The following MMS22L variants were observed in gnomAD, a reference collection of about 807,000 sequenced individuals.
MMS22L encodes MMS22 like, DNA repair protein.
Under a neutral mutation model 159.1 loss-of-function variants are expected in MMS22L, and 74 were observed. The observed-to-expected ratio is 0.47, with a 90% CI of 0.39 to 0.56. The LOEUF is 0.56. Among genes scored for constraint, MMS22L ranks in the 20% least tolerant of loss-of-function variants. MMS22L has a pLI of 0.00. For synonymous variants in MMS22L, 517 were observed against 506.9 expected (o/e 1.02, Z -0.27); for missense variants, 1,351 against 1,422.1 (o/e 0.95, Z 0.80).
At position 97,146,735 on chromosome 6, in the gene MMS22L, G is replaced by C; in HGVS notation, c.*71C>G. 5 of 988,272 alleles carry C rather than the reference G, an allele frequency of 5.1e-6. No individual in the cohort carries two copies. The highest frequency in any genetic ancestry group is 7.6e-6 in the Non-Finnish European group (5 of 661,560). 61.2% of individuals were successfully genotyped at this position (988,272 alleles called of 1,614,324 possible). ...CAGAACATTATACAATTAATTAAAA[G>C]TAGGAATTAGAGTGGAACAATGTGG... On this transcript the variant is annotated 3_prime_UTR_variant, in exon 25 of 25. Coordinates refer to ENST00000683635, the MANE Select transcript of MMS22L (RefSeq NM_001350599.2).
Position 97,197,681 on chromosome 6 carries a change from T to C in MMS22L, c.2040-10991A>G, listed in dbSNP as rs936844479. ...CAAAATGTTATGTATTGAATTCTCA[T>C]AGAAGAAAAAAGAATGAGCTCAGGC... is the stretch of plus-strand genomic sequence containing the variant. On this transcript the variant is annotated intron_variant, in intron 14 of 24. Coordinates refer to ENST00000683635, the MANE Select transcript of MMS22L (RefSeq NM_001350599.2). Among the ~76,000 whole-genome samples the C allele has an allele frequency of 5.9e-5, 9 of 152,116 alleles. No homozygotes were observed. In the East Asian group the frequency reaches 1.5e-3, roughly 26 times the overall value.
At chr6:97,152,765 C>A (rs1801439804) in intron 22 of MMS22L, among the ~76,000 whole-genome samples, 1 of 150,544 alleles carries the variant, frequency 6.6e-6, no homozygotes, top group African/African-American at 2.4e-5. Context: ...TTTAAAATAA[C>A]TTCTCATTTT....
intron 6 of MMS22L, chr6:97,272,351 G>GA (rs1815831143): frequency 6.2e-6 from 1 of 160,652 alleles, no homozygotes; most frequent in South Asian, 1.9e-4. Context: ...AAAAATTTCA[G>GA]AAAATAAAGA....
chr6:97,145,486 G>C lies in MMS22L; in HGVS notation c.*1320C>G, dbSNP rs1800891619. The stretch of plus-strand genomic sequence containing the variant: ...AAGGAAACAAAGTACTTCAAAGTTA[G>C]AAAACATGATGTAAGAAAACATTGG... On this transcript the variant is annotated 3_prime_UTR_variant, in exon 25 of 25. Coordinates refer to ENST00000683635, the MANE Select transcript of MMS22L (RefSeq NM_001350599.2). The C allele has an allele frequency of 6.6e-6, 1 of 152,126 alleles. No homozygotes were observed. Among genetic ancestry groups the C allele is most frequent in the Non-Finnish European group, 1.5e-5 (1 of 67,988 alleles). The allele number at this position is 152,126 out of a possible 1,614,324, so 9.4% of individuals were successfully genotyped here.
intron 14 of MMS22L, among the ~76,000 whole-genome samples, chr6:97,198,375 A>C (rs182927047): frequency 4.6e-5 from 7 of 152,180 alleles, no homozygotes; most frequent in Non-Finnish European, 8.8e-5. Context: ...CCAGACATTG[A>C]ATCATCCTAG....
At chr6:97,261,327 T>C (rs1249623193) in intron 9 of MMS22L, 2 of 152,400 alleles carry the variant, frequency 1.3e-5, no homozygotes, top group African/African-American at 4.8e-5. Context: ...CGCTTATACA[T>C]GGATTTTCTT....
chr6:97,220,176 T>C (rs568079181), intron 14 of MMS22L, among the ~76,000 whole-genome samples: 3 of 152,278 alleles, frequency 2.0e-5, no homozygotes, highest in South Asian at 4.1e-4. Context: ...CTCAACTTCG[T>C]TGGACAAGAA....
At chr6:97,212,571 T>C (rs969829475) in intron 14 of MMS22L, among the ~76,000 whole-genome samples, 4 of 152,176 alleles carry the variant, frequency 2.6e-5, no homozygotes, top group Non-Finnish European at 4.4e-5. Flanking sequence ...ATATATTACC[T>C]TTTTTATTCT....
At chr6:97,153,404 C>G (rs1232812962) in intron 22 of MMS22L, among the ~76,000 whole-genome samples, 1 of 131,214 alleles carries the variant, frequency 7.6e-6, no homozygotes, top group African/African-American at 2.9e-5. Context: ...CGGACTCTCC[C>G]TCTGTTGCCC....
intron 16 of MMS22L, among the ~76,000 whole-genome samples, chr6:97,181,405 C>T (rs985610575): frequency 6.6e-6 from 1 of 151,858 alleles, no homozygotes; most frequent in Non-Finnish European, 1.5e-5. Flanking sequence ...GCAGGAAATA[C>T]TTATAGATAA....
At chr6:97,174,502 T>A (rs1308395136) in intron 18 of MMS22L, among the ~76,000 whole-genome samples, 1 of 151,994 alleles carries the variant, frequency 6.6e-6, no homozygotes, top group Non-Finnish European at 1.5e-5. Context: ...GATTCAAGAT[T>A]GTGAGAATGT....
upstream of MMS22L, chr6:97,283,461 G>A (rs1235293020): frequency 1.3e-5 from 2 of 151,644 alleles, no homozygotes; most frequent in African/African-American, 2.4e-5. Context: ...TCCTCTGGCC[G>A]GACCAAAGAG....
chr6:97,229,314 G>A lies in MMS22L; in HGVS notation c.1619C>T (p.Ala540Val), dbSNP rs1486890321. The A allele has an allele frequency of 6.2e-7, 1 of 1,613,996 alleles. No homozygotes were observed. The highest frequency in any genetic ancestry group is 1.7e-5 in the Admixed American group (1 of 59,982). Residue 540 changes from alanine (A) to valine (V), a missense_variant, in exon 14 of 25, where the codon GCT (alanine) becomes GTT (valine). Physicochemically the swap from Ala to Val is moderately conservative, Grantham distance 64. Coordinates refer to ENST00000683635, the MANE Select transcript of MMS22L (RefSeq NM_001350599.2). ...NFFSLFLLLA[A>V]VAEVEDVASH... ...TGCAACATCTTCTACCTCTGCAACAGCTGCTAACAGTAGAAAAAGGCTAAA... is the reference window on the plus strand; with the variant it reads ...TGCAACATCTTCTACCTCTGCAACAACTGCTAACAGTAGAAAAAGGCTAAA...
At chr6:97,206,378 C>T (rs902034811) in intron 14 of MMS22L, among the ~76,000 whole-genome samples, 1 of 93,406 alleles carries the variant, frequency 1.1e-5, no homozygotes, top group Non-Finnish European at 2.4e-5. Flanking sequence ...CTGAACCTCG[C>T]ATGTACACAC....
chr6:97,215,563 C>T (rs894932883), intron 14 of MMS22L, among the ~76,000 whole-genome samples: 2 of 152,122 alleles, frequency 1.3e-5, no homozygotes, highest in African/African-American at 4.8e-5. Context: ...TCATCTGTGG[C>T]CCATGTGCTA....
At position 97,229,591 on chromosome 6, in the gene MMS22L, A is replaced by G. The variant is rs537413015; in HGVS notation, c.1530-188T>C. On this transcript the variant is annotated intron_variant, in intron 13 of 24. Coordinates refer to ENST00000683635, the MANE Select transcript of MMS22L (RefSeq NM_001350599.2). ...AATGGCCCTACCTTGAAATTTCCCA[A>G]TGATGCAGCAAATCACCTGTAAGTG... 7.4e-4 allele frequency among the ~76,000 whole-genome samples: 113 copies of G among 152,260 alleles called. 2 individuals are homozygous for G. In the South Asian group the frequency reaches 7.7e-3, roughly 10 times the overall value.
rs1800771034 is a variant in MMS22L at position 97,144,102 on chromosome 6, C to CCA, written c.*2703_*2704insTG. On this transcript the variant is annotated 3_prime_UTR_variant, in exon 25 of 25. Coordinates refer to ENST00000683635, the MANE Select transcript of MMS22L (RefSeq NM_001350599.2). ...TGCCTCAAAACAACAACAACAACAACAACAAAAAAAAAAAAAAAAAAAAAA... is the reference window on the plus strand; with the variant it reads ...TGCCTCAAAACAACAACAACAACAACCAAACAAAAAAAAAAAAAAAAAAAAAA... 3.5e-5 allele frequency: 2 copies of CCA among 57,588 alleles called. No homozygotes were observed. Among genetic ancestry groups the CCA allele is most frequent in the African/African-American group, 1.4e-4 (2 of 14,310 alleles). 3.6% of individuals were successfully genotyped at this position (57,588 alleles called of 1,614,324 possible).
rs189243440 is a variant in MMS22L, at chr6:97,235,304, C to G, written c.1183-1324G>C. On this transcript the variant is annotated intron_variant, in intron 11 of 24. Transcript: ENST00000683635. ...GTGCTATTTCCTGAAATGGCAAAGA[C>G]TAAAGGAAGAACTTATGAGGTGAGT... Among the ~76,000 whole-genome samples the G allele has an allele frequency of 3.7e-4, 56 of 152,132 alleles. No individual in the cohort carries two copies. In the Middle Eastern group the frequency reaches 0.014, roughly 37 times the overall value.
intron 14 of MMS22L, among the ~76,000 whole-genome samples, chr6:97,192,056 C>A (rs1357117641): frequency 1.3e-5 from 2 of 152,040 alleles, no homozygotes; most frequent in African/African-American, 4.8e-5. Flanking sequence ...AGGGAGAAAC[C>A]AGGCTGGCAA....
Sources: allele counts gnomAD v4.1 joint callset (sites outside exome capture counted in the v4.1 genomes callset), GRCh38; gene constraint gnomAD v4.1.1; transcripts MANE v1.5; gene names NCBI Gene and HGNC (gene_info 2026-07-23, HGNC 2026-07-21).